The following PPP1R9A variants were observed in gnomAD, a reference collection of about 807,000 sequenced individuals.
PPP1R9A encodes protein phosphatase 1 regulatory subunit 9A.
Under a neutral mutation model 141.9 loss-of-function variants are expected in PPP1R9A, and 59 were observed. That is an observed-to-expected ratio of 0.42 (90% CI 0.34 to 0.52). PPP1R9A has a LOEUF of 0.52. PPP1R9A is among the 20% of genes least tolerant of loss of function. PPP1R9A has a pLI of 0.10. For missense variants in PPP1R9A, 1,444 were observed against 1,611.9 expected (o/e 0.90, Z 1.78); for synonymous variants, 500 against 569.7 (o/e 0.88, Z 1.74).
At chr7:94,981,798 G>C (rs1217443810) in intron 2 of PPP1R9A, among the ~76,000 whole-genome samples, 4 of 151,950 alleles carry the variant, frequency 2.6e-5, no homozygotes, top group Non-Finnish European at 5.9e-5. Flanking sequence ...GATTATTACA[G>C]AGAAGAGTTT....
intron 10 of PPP1R9A, 51 bp downstream of exon 10, chr7:95,250,306 T>G (rs1338664219): frequency 6.9e-7 from 1 of 1,459,464 alleles, no homozygotes; most frequent in Non-Finnish European, 9.3e-7. Context: ...TAAAGAAGGT[T>G]TATGTCCAAT....
intron 5 of PPP1R9A, among the ~76,000 whole-genome samples, chr7:95,182,370 T>TG (rs1178492953): frequency 7.2e-5 from 11 of 151,974 alleles, no homozygotes; most frequent in African/African-American, 2.4e-4. Context: ...GAATGACACA[T>TG]GAGTTTTTTA....
At chr7:94,944,385 G>T (rs1408356602) in intron 2 of PPP1R9A, among the ~76,000 whole-genome samples, 1 of 151,788 alleles carries the variant, frequency 6.6e-6, no homozygotes, top group African/African-American at 2.4e-5. Flanking sequence ...TTAGCACCAT[G>T]CCCCTTACAC....
At chr7:95,121,853 G>A (rs1360848773) in intron 4 of PPP1R9A, among the ~76,000 whole-genome samples, 1 of 152,130 alleles carries the variant, frequency 6.6e-6, no homozygotes, top group East Asian at 1.9e-4. Flanking sequence ...ATCTATTTGT[G>A]AGGCCAGTGC....
intron 2 of PPP1R9A, among the ~76,000 whole-genome samples, chr7:94,926,149 G>A (rs1447536397): frequency 2.0e-5 from 3 of 152,156 alleles, no homozygotes; most frequent in Admixed American, 6.6e-5. Context: ...TATAATGCTT[G>A]TATGATTTAT....
chr7:94,954,847 G>A (rs1214232309), intron 2 of PPP1R9A, among the ~76,000 whole-genome samples: 3 of 129,138 alleles, frequency 2.3e-5, no homozygotes, highest in Admixed American at 8.9e-5. Flanking sequence ...GTGTGTGTGT[G>A]TGTGTGTGTG....
At chr7:95,277,405 G>A (rs1018268171) in intron 16 of PPP1R9A, among the ~76,000 whole-genome samples, 1 of 152,104 alleles carries the variant, frequency 6.6e-6, no homozygotes, top group Non-Finnish European at 1.5e-5. Context: ...TTTCAAATAT[G>A]TGCTCAGTGG....
intron 16 of PPP1R9A, among the ~76,000 whole-genome samples, chr7:95,275,975 G>A (rs981763860): frequency 1.3e-5 from 2 of 152,166 alleles, no homozygotes; most frequent in African/African-American, 2.4e-5. Flanking sequence ...TATGCATCTC[G>A]AAAGTAGTTT....
intron 5 of PPP1R9A, among the ~76,000 whole-genome samples, chr7:95,183,448 C>CTTTTT (rs766642929): frequency 1.4e-4 from 14 of 103,022 alleles, no homozygotes; most frequent in Non-Finnish European, 2.2e-4. Flanking sequence ...CAAAAATATT[C>CTTTTT]TTTTTTTTTT....
chr7:95,147,457 T>C (rs1827844812), intron 4 of PPP1R9A, among the ~76,000 whole-genome samples: 1 of 152,196 alleles, frequency 6.6e-6, no homozygotes, highest in South Asian at 2.1e-4. Flanking sequence ...ACAATTTGAC[T>C]TCCTCTCTTC....
intron 2 of PPP1R9A, among the ~76,000 whole-genome samples, chr7:94,919,211 C>T (rs541866247): frequency 6.6e-6 from 1 of 152,210 alleles, no homozygotes; most frequent in African/African-American, 2.4e-5. Context: ...CTCACTGCAG[C>T]CTTGAACTCC....
rs186385323 is a variant in PPP1R9A at position 95,280,060 on chromosome 7, A to T, written c.3297-3958A>T. Among the ~76,000 whole-genome samples the T allele has an allele frequency of 3.2e-3, 488 of 152,172 alleles. 1 individual carries two copies. Among genetic ancestry groups the T allele is most frequent in the Middle Eastern group, 0.014 (4 of 294 alleles). ...AGGATCTGGGAGCAGGATATGTCTG[A>T]GTAGGGGGCGGGGGTTGGCCCTGAG... On this transcript the variant is annotated intron_variant, in intron 16 of 19. Transcript: ENST00000433360.
At chr7:95,029,411 A>G (rs957612662) in intron 2 of PPP1R9A, among the ~76,000 whole-genome samples, 1 of 152,226 alleles carries the variant, frequency 6.6e-6, no homozygotes, top group Non-Finnish European at 1.5e-5. Context: ...AAATATTTGG[A>G]AAAACAATTA....
intron 2 of PPP1R9A, among the ~76,000 whole-genome samples, chr7:95,073,738 A>T (rs1415618012): frequency 6.6e-6 from 1 of 150,694 alleles, no homozygotes; most frequent in Non-Finnish European, 1.5e-5. Context: ...TATATATATA[A>T]ATAAATACTG....
chr7:94,939,176 G>A (rs1795070729), intron 2 of PPP1R9A, among the ~76,000 whole-genome samples: 5 of 152,104 alleles, frequency 3.3e-5, no homozygotes, highest in Admixed American at 2.6e-4. Context: ...TTGTGTAAAT[G>A]TCTTCCCAGC....
chr7:95,194,116 A>G (rs1563393102), intron 5 of PPP1R9A, among the ~76,000 whole-genome samples: 1 of 152,078 alleles, frequency 6.6e-6, no homozygotes, highest in Non-Finnish European at 1.5e-5. Flanking sequence ...TGATGCATTT[A>G]AATAAAGATA....
chr7:95,184,642 C>T (rs1178018315), intron 5 of PPP1R9A, among the ~76,000 whole-genome samples: 6 of 152,172 alleles, frequency 3.9e-5, no homozygotes, highest in Non-Finnish European at 8.8e-5. Flanking sequence ...CCCAAGTCCC[C>T]ATAGTCCCTT....
chr7:95,225,310 A>T (rs1794987205), intron 7 of PPP1R9A, among the ~76,000 whole-genome samples: 1 of 152,152 alleles, frequency 6.6e-6, no homozygotes, highest in Admixed American at 6.6e-5. Flanking sequence ...GAAAGCTGGA[A>T]ATCTAGAACT....
At chr7:94,936,657 T>G (rs202110018) in intron 2 of PPP1R9A, among the ~76,000 whole-genome samples, 108 of 66,508 alleles carry the variant, frequency 1.6e-3, no homozygotes, top group Middle Eastern at 7.4e-3. Context: ...TAGGGGTGTG[T>G]GTGTGTGTGT....
Sources: gnomAD v4.1 joint callset for allele counts (sites outside exome capture counted in the v4.1 genomes callset) on GRCh38, gnomAD v4.1.1 for gene constraint, MANE v1.5 for transcripts, NCBI Gene and HGNC (gene_info 2026-07-23, HGNC 2026-07-21) for gene names.